The following MRPS35 variants were observed in gnomAD, a reference collection of about 807,000 sequenced individuals.
The protein encoded by MRPS35 is small ribosomal subunit protein mS35.
In MRPS35, 29 loss-of-function variants were observed where a neutral mutation model predicts 32.7. The ratio of observed to expected loss-of-function variants is 0.89; its 90% CI spans 0.66 to 1.21. The LOEUF (loss-of-function observed/expected upper bound fraction) is 1.21, where lower values mean the gene tolerates loss of function less well. Among genes scored for constraint, MRPS35 ranks in the 50% most tolerant of loss-of-function variants. The pLI, the probability that MRPS35 is intolerant of heterozygous loss-of-function variation, is 0.00. For synonymous variants in MRPS35, 148 were observed against 139.3 expected, an observed-to-expected ratio of 1.06 and a Z score of -0.44; for missense variants, 373 against 383.8, an observed-to-expected ratio of 0.97 and a Z score of 0.23.
At chr12:27,750,809 A>G (rs1047549242) in intron 7 of MRPS35, among the ~76,000 whole-genome samples, 10 of 152,102 alleles carry the variant, frequency 6.6e-5, no homozygotes, top group Non-Finnish European at 1.3e-4. Context: ...TGTTTCAAAA[A>G]AGAAAAAAGA....
In MRPS35 at chr12:27,755,370, A is replaced by T; in HGVS notation, c.892A>T (p.Ser298Cys). Residue 298 changes from serine to cysteine, a missense_variant, in exon 8 of 8, where the codon AGT (serine) becomes TGT (cysteine). Coordinates refer to ENST00000081029, the MANE Select transcript of MRPS35 (RefSeq NM_021821.4). ...EIEEYKKSVV[S>C]LKNEEENENS... is the part of the protein sequence containing the mutation. ...TGAAGAGTACAAAAAGTCTGTTGTTAGTCTTAAAAATGAGGAGGAAAATGA... is the reference window on the plus strand; with the variant it reads ...TGAAGAGTACAAAAAGTCTGTTGTTTGTCTTAAAAATGAGGAGGAAAATGA... The T allele has an allele frequency of 6.2e-7, 1 of 1,603,676 alleles. No individual in the cohort carries two copies. The highest frequency in any genetic ancestry group is 1.7e-4 in the Middle Eastern group (1 of 5,920).
chr12:27,747,069 T>A (rs79222163), intron 7 of MRPS35, among the ~76,000 whole-genome samples: 2,802 of 152,304 alleles, frequency 0.018, 92 homozygotes, highest in African/African-American at 0.062. Flanking sequence ...CTCCTTAGCA[T>A]GACATTCACA....
chr12:27,752,202 G>A (rs1418567104), intron 7 of MRPS35, among the ~76,000 whole-genome samples: 1 of 152,182 alleles, frequency 6.6e-6, no homozygotes, highest in Non-Finnish European at 1.5e-5. Flanking sequence ...CGGTAGGTAA[G>A]CTTTGATCAC....
At chr12:27,735,604 G>T (rs747054195) in intron 6 of MRPS35, 48 bp downstream of exon 6, 4 of 1,351,066 alleles carry the variant, frequency 3.0e-6, no homozygotes, top group Admixed American at 1.8e-5. Context: ...TTTCCTCATT[G>T]TCCTCCAATT....
At chr12:27,718,817 C>T (rs543710114) in intron 3 of MRPS35, among the ~76,000 whole-genome samples, 13 of 152,070 alleles carry the variant, frequency 8.5e-5, no homozygotes, top group African/African-American at 2.9e-4. Context: ...CCGGGCACAG[C>T]GGCTCACACC....
intron 7 of MRPS35, among the ~76,000 whole-genome samples, chr12:27,743,089 G>C (rs2061970045): frequency 6.6e-6 from 1 of 151,656 alleles, no homozygotes; most frequent in Non-Finnish European, 1.5e-5. Flanking sequence ...TCGAACTCCT[G>C]GGCTCAGGTG....
At chr12:27,754,639 C>T (rs1311380042) in intron 7 of MRPS35, among the ~76,000 whole-genome samples, 1 of 151,742 alleles carries the variant, frequency 6.6e-6, no homozygotes, top group Non-Finnish European at 1.5e-5. Flanking sequence ...TGGTGGTGGG[C>T]GCCTGTAGTC....
intron 7 of MRPS35, among the ~76,000 whole-genome samples, chr12:27,752,023 C>T (rs2062006300): frequency 6.6e-6 from 1 of 151,492 alleles, no homozygotes; most frequent in African/African-American, 2.4e-5. Context: ...GAGGATTGCT[C>T]TAGGCCAGGA....
At chr12:27,713,823 C>G (rs960570188) in intron 1 of MRPS35, among the ~76,000 whole-genome samples, 2 of 152,134 alleles carry the variant, frequency 1.3e-5, no homozygotes, top group African/African-American at 4.8e-5. Context: ...CACAGTGACT[C>G]ACCCCTGTAA....
intron 5 of MRPS35, chr12:27,725,617 C>A: frequency 4.2e-6 from 1 of 235,734 alleles, no homozygotes; most frequent in Non-Finnish European, 8.5e-6. Context: ...TGTGAGAAGG[C>A]CTGCTTTCCT....
intron 7 of MRPS35, among the ~76,000 whole-genome samples, chr12:27,745,568 CTT>C (rs573864421): frequency 1.4e-5 from 2 of 146,666 alleles, no homozygotes; most frequent in African/African-American, 4.9e-5. Context: ...ACCTGGGAAG[CTT>C]TTTTTTTTTA....
At chr12:27,740,002 C>T (rs1443606829) in intron 7 of MRPS35, among the ~76,000 whole-genome samples, 4 of 152,154 alleles carry the variant, frequency 2.6e-5, no homozygotes, top group African/African-American at 9.7e-5. Context: ...TTCTATATTA[C>T]CGTTGTTTCT....
chr12:27,714,989 C>G (rs1696737570), intron 2 of MRPS35, among the ~76,000 whole-genome samples, 169 bp downstream of exon 2: 1 of 152,056 alleles, frequency 6.6e-6, no homozygotes, highest in South Asian at 2.1e-4. Flanking sequence ...TTGTCAGTAC[C>G]CAGAGAATAG....
rs1038762512 is a variant in MRPS35 at position 27,751,866 on chromosome 12, A to C, written c.703-3315A>C. Reference sequence around the variant, plus strand: ...AAGTGGGGGTGTGCGCCTGCACGCCAAACTCGCTGAGTCATGCAGGCCTGG... The same window carrying C: ...AAGTGGGGGTGTGCGCCTGCACGCCCAACTCGCTGAGTCATGCAGGCCTGG... On this transcript the variant is annotated intron_variant, in intron 7 of 7. Transcript: ENST00000081029. Among the ~76,000 whole-genome samples the C allele has an allele frequency of 3.9e-5, 6 of 152,356 alleles. No individual in the cohort carries two copies. In the East Asian group the frequency reaches 1.2e-3, roughly 29 times the overall value.
chr12:27,753,796 A>G (rs1304204422), intron 7 of MRPS35, among the ~76,000 whole-genome samples: 2 of 152,196 alleles, frequency 1.3e-5, no homozygotes, highest in African/African-American at 4.8e-5. Flanking sequence ...GATTTTTCAC[A>G]GACTGTTACA....
intron 3 of MRPS35, among the ~76,000 whole-genome samples, chr12:27,719,543 G>A (rs996876248): frequency 1.3e-5 from 2 of 151,906 alleles, no homozygotes; most frequent in South Asian, 2.1e-4. Context: ...GCGGGCGCCT[G>A]TAGTCCCAGC....
In MRPS35 at chr12:27,711,837, C is replaced by A. The variant is rs143069645; in HGVS notation, c.112+882C>A. On this transcript the variant is annotated intron_variant, in intron 1 of 7. Transcript: ENST00000081029. ...CAGATAAACTATAAATACATTAATC[C>A]TTCATACTGGCTCTTCATAGGTCTA... Among the ~76,000 whole-genome samples, 222 of 72,884 alleles carry A rather than the reference C, an allele frequency of 3.0e-3. 1 individual carries two copies. Among genetic ancestry groups the A allele is most frequent in the Middle Eastern group, 0.016 (2 of 128 alleles). The allele number at this position is 72,884 out of a possible 152,430, so 47.8% of individuals were successfully genotyped here. A position where few individuals can be genotyped will look rare whatever the true frequency, so the allele number is the denominator to read the frequency against.
At chr12:27,741,255 A>G (rs1434733647) in intron 7 of MRPS35, among the ~76,000 whole-genome samples, 1 of 152,158 alleles carries the variant, frequency 6.6e-6, no homozygotes, top group Non-Finnish European at 1.5e-5. Flanking sequence ...TATTGTTAGC[A>G]TTGGAATGAA....
intron 7 of MRPS35, among the ~76,000 whole-genome samples, chr12:27,746,417 T>C (rs975144847): frequency 5.3e-5 from 8 of 152,234 alleles, no homozygotes; most frequent in Admixed American, 6.5e-5. Flanking sequence ...TCTAAAATCC[T>C]TTAAAATATC....
Sources: gnomAD v4.1 joint callset for allele counts (sites outside exome capture counted in the v4.1 genomes callset) on GRCh38, gnomAD v4.1.1 for gene constraint, MANE v1.5 for transcripts, NCBI Gene and HGNC (gene_info 2026-07-23, HGNC 2026-07-21) for gene names.